Variants in SAMD5 observed in about 807,000 individuals in gnomAD.
The protein encoded by SAMD5 is sterile alpha motif domain-containing protein 5.
In SAMD5, 13 loss-of-function variants were observed where a neutral mutation model predicts 11.3. The ratio of observed to expected loss-of-function variants is 1.15; its 90% CI spans 0.75 to 1.83. The LOEUF (loss-of-function observed/expected upper bound fraction) is 1.83, where lower values mean the gene tolerates loss of function less well. SAMD5 is among the 40% of genes most tolerant of loss of function. The probability of loss-of-function intolerance (pLI) is 0.00; values close to 1 mark genes in which losing one functional copy is unlikely to be tolerated. For synonymous variants in SAMD5, 129 were observed against 111.3 expected (o/e 1.16, Z -1.00); for missense variants, 255 against 239.1 (o/e 1.07, Z -0.44).
the SAMD5 span, among the ~76,000 whole-genome samples, chr6:147,878,595 A>AT: frequency 6.9e-6 from 1 of 144,732 alleles, no homozygotes; most frequent in East Asian, 2.0e-4. Context: ...AGATATATAT[A>AT]CATATATATC....
At chr6:147,622,340 A>T (rs1206337719) in intron 1 of SAMD5, among the ~76,000 whole-genome samples, 1 of 152,180 alleles carries the variant, frequency 6.6e-6, no homozygotes, top group African/African-American at 2.4e-5. Flanking sequence ...CTATTTTTAT[A>T]TGTATCATTT....
chr6:147,535,431 A>T (rs973978009), intron 1 of SAMD5, among the ~76,000 whole-genome samples: 3 of 152,260 alleles, frequency 2.0e-5, no homozygotes. Flanking sequence ...TTTAACCTGC[A>T]CATAATTTAG....
the SAMD5 span, among the ~76,000 whole-genome samples, chr6:147,744,317 T>C: frequency 6.6e-6 from 1 of 152,222 alleles, no homozygotes; most frequent in Non-Finnish European, 1.5e-5. Context: ...GAATAGTTCC[T>C]GAGACATAGT....
chr6:147,540,077 C>CT (rs148230885), intron 1 of SAMD5, among the ~76,000 whole-genome samples: 5,388 of 152,054 alleles, frequency 0.035, 302 homozygotes, highest in African/African-American at 0.12. Context: ...TGAGCAGTTT[C>CT]TTTTTTTTCT....
At chr6:147,842,658 G>T in the SAMD5 span, among the ~76,000 whole-genome samples, 3 of 152,104 alleles carry the variant, frequency 2.0e-5, no homozygotes, top group South Asian at 6.2e-4. Flanking sequence ...ATCTGACTCA[G>T]CCATAGAATT....
chr6:147,840,525 A>G, the SAMD5 span, among the ~76,000 whole-genome samples: 1 of 152,252 alleles, frequency 6.6e-6, no homozygotes, highest in Admixed American at 6.5e-5. Context: ...TCTCAGCAGA[A>G]GAAAGAACTC....
the SAMD5 span, among the ~76,000 whole-genome samples, chr6:147,899,184 A>AG: frequency 6.7e-6 from 1 of 150,310 alleles, no homozygotes; most frequent in Admixed American, 6.6e-5. Flanking sequence ...AAAAAAAAAA[A>AG]AAAAAAAAAG....
intron 1 of SAMD5, among the ~76,000 whole-genome samples, chr6:147,608,313 C>G (rs1789732046): frequency 6.6e-6 from 1 of 152,298 alleles, no homozygotes; most frequent in East Asian, 1.9e-4. Flanking sequence ...GAAAGAAAAT[C>G]AGTATATCAG....
the SAMD5 span, among the ~76,000 whole-genome samples, chr6:147,798,170 T>A: frequency 6.8e-6 from 1 of 146,558 alleles, no homozygotes; most frequent in Non-Finnish European, 1.5e-5. Context: ...AGGGTGTCAA[T>A]TTTGGATCTT....
At chr6:147,627,682 GT>G (rs913129744) in intron 1 of SAMD5, among the ~76,000 whole-genome samples, 28 of 151,998 alleles carry the variant, frequency 1.8e-4, no homozygotes, top group African/African-American at 6.8e-4. Context: ...TTTTCCCTGT[GT>G]TTTTTATGAT....
chr6:147,750,036 T>C, the SAMD5 span, among the ~76,000 whole-genome samples: 2 of 152,148 alleles, frequency 1.3e-5, no homozygotes, highest in Non-Finnish European at 2.9e-5. Context: ...CAGAAACTGG[T>C]TTATTATATG....
chr6:147,814,163 G>C, the SAMD5 span, among the ~76,000 whole-genome samples: 4 of 152,226 alleles, frequency 2.6e-5, no homozygotes, highest in African/African-American at 4.8e-5. Context: ...ACATTAGTAT[G>C]CTTCATTTTT....
chr6:147,888,049 G>T, the SAMD5 span, among the ~76,000 whole-genome samples: 3 of 152,110 alleles, frequency 2.0e-5, no homozygotes, highest in Non-Finnish European at 4.4e-5. Flanking sequence ...TAGTCCAGAT[G>T]AAACTCCTTT....
At chr6:147,634,933 T>TGTACCCAGA (rs149642619) in intron 1 of SAMD5, among the ~76,000 whole-genome samples, 1 of 151,756 alleles carries the variant, frequency 6.6e-6, no homozygotes, top group South Asian at 2.1e-4. Flanking sequence ...TGAAGCCACT[T>TGTACCCAGA]AGTAGTACAC....
the SAMD5 span, among the ~76,000 whole-genome samples, chr6:147,863,290 T>C: frequency 6.6e-6 from 1 of 152,098 alleles, no homozygotes; most frequent in Non-Finnish European, 1.5e-5. Context: ...AGGAATATCT[T>C]TTTAGAATTG....
the SAMD5 span, among the ~76,000 whole-genome samples, chr6:147,922,970 A>G: frequency 6.6e-6 from 1 of 151,684 alleles, no homozygotes; most frequent in Non-Finnish European, 1.5e-5. Flanking sequence ...CTGCCCCTGC[A>G]CCCCCTCACT....
At chr6:147,789,105 A>C in the SAMD5 span, among the ~76,000 whole-genome samples, 5 of 151,102 alleles carry the variant, frequency 3.3e-5, no homozygotes, top group African/African-American at 9.8e-5. Context: ...ACAAACAAAA[A>C]AAAAAACACC....
intron 1 of SAMD5, among the ~76,000 whole-genome samples, chr6:147,712,822 A>AAAAAG (rs58115947): frequency 3.0e-4 from 46 of 151,516 alleles, no homozygotes; most frequent in African/African-American, 1.0e-3. Flanking sequence ...AAAAAAAAAA[A>AAAAAG]GTCTGTTGTT....
chr6:147,774,424 C>T, the SAMD5 span, among the ~76,000 whole-genome samples: 4 of 152,098 alleles, frequency 2.6e-5, no homozygotes, highest in Non-Finnish European at 1.5e-5. Flanking sequence ...CCAAAATTTA[C>T]AAATTCTCAG....
Sources: gnomAD v4.1 joint callset for allele counts (sites outside exome capture counted in the v4.1 genomes callset) on GRCh38, gnomAD v4.1.1 for gene constraint, MANE v1.5 for transcripts, NCBI Gene and HGNC (gene_info 2026-07-23, HGNC 2026-07-21) for gene names.